The following CFAP61 variants were observed in gnomAD, a reference collection of about 807,000 sequenced individuals.
CFAP61 encodes cilia and flagella associated protein 61.
A neutral mutation model predicts 135.6 loss-of-function variants in CFAP61; 107 were observed. That is an observed-to-expected ratio of 0.79 (90% CI 0.67 to 0.93). The LOEUF is 0.93. CFAP61 is among the 40% of genes least tolerant of loss of function. The probability of loss-of-function intolerance (pLI) is 0.00; values close to 1 mark genes in which losing one functional copy is unlikely to be tolerated. For synonymous variants in CFAP61, 575 were observed against 578.5 expected (o/e 0.99, Z 0.09); for missense variants, 1,507 against 1,556.2 (o/e 0.97, Z 0.53).
At chr20:20,323,783 C>G (rs2057638656) in intron 25 of CFAP61, among the ~76,000 whole-genome samples, 1 of 152,038 alleles carries the variant, frequency 6.6e-6, no homozygotes. Flanking sequence ...GCAAAGAAAC[C>G]AATTGTTAAT....
intron 25 of CFAP61, among the ~76,000 whole-genome samples, chr20:20,330,334 TTTTG>T (rs955255933): frequency 5.9e-5 from 9 of 152,132 alleles, no homozygotes; most frequent in Non-Finnish European, 1.0e-4. Context: ...ACTAGCCGTT[TTTTG>T]TTTGTTTGTT....
At chr20:20,335,702 C>T (rs1013113132) in intron 25 of CFAP61, among the ~76,000 whole-genome samples, 1 of 152,224 alleles carries the variant, frequency 6.6e-6, no homozygotes, top group Non-Finnish European at 1.5e-5. Flanking sequence ...TCTAGACCTT[C>T]TCTACCTGAA....
intron 1 of CFAP61, chr20:20,052,868 G>A (rs1011063392): frequency 5.0e-5 from 37 of 736,178 alleles, no homozygotes; most frequent in Non-Finnish European, 7.5e-5. Context: ...CATTCTAGTA[G>A]TCTCTGGGTC....
At chr20:20,232,511 C>G (rs898804777) in intron 18 of CFAP61, among the ~76,000 whole-genome samples, 1 of 152,036 alleles carries the variant, frequency 6.6e-6, no homozygotes, top group Admixed American at 6.5e-5. Flanking sequence ...CCTGTGAGTT[C>G]GTTAGAAATG....
chr20:20,291,912 C>T (rs906166979), intron 24 of CFAP61, among the ~76,000 whole-genome samples: 1 of 152,184 alleles, frequency 6.6e-6, no homozygotes, highest in African/African-American at 2.4e-5. Context: ...AACTTCCATT[C>T]CCATTTTCTT....
At chr20:20,300,984 A>C (rs2056048359) in intron 25 of CFAP61, among the ~76,000 whole-genome samples, 1 of 152,196 alleles carries the variant, frequency 6.6e-6, no homozygotes, top group Non-Finnish European at 1.5e-5. Context: ...ATAAAGTAAA[A>C]AGAGTAAGCA....
intron 7 of CFAP61, among the ~76,000 whole-genome samples, chr20:20,096,644 T>C (rs571208287): frequency 6.6e-6 from 1 of 152,346 alleles, no homozygotes; most frequent in South Asian, 2.1e-4. Flanking sequence ...CCAAGATGGA[T>C]GCCAATTTTC....
At chr20:20,152,342 G>C (rs757480863) in intron 9 of CFAP61, among the ~76,000 whole-genome samples, 2 of 150,322 alleles carry the variant, frequency 1.3e-5, no homozygotes, top group Non-Finnish European at 3.0e-5. Flanking sequence ...GCAACAACTA[G>C]CATGTTGAAT....
At chr20:20,124,286 G>C (rs914984792) in intron 8 of CFAP61, among the ~76,000 whole-genome samples, 1 of 151,684 alleles carries the variant, frequency 6.6e-6, no homozygotes, top group Non-Finnish European at 1.5e-5. Context: ...TTGAAGAGGA[G>C]TGGTGAGAGT....
chr20:20,138,682 A>G (rs1490418544), intron 8 of CFAP61, among the ~76,000 whole-genome samples: 1 of 152,124 alleles, frequency 6.6e-6, no homozygotes, highest in Non-Finnish European at 1.5e-5. Context: ...CACTCCCCTG[A>G]TTTTTGGTTC....
intron 26 of CFAP61, among the ~76,000 whole-genome samples, chr20:20,352,999 T>C (rs1450527009): frequency 1.3e-5 from 2 of 152,258 alleles, no homozygotes; most frequent in African/African-American, 2.4e-5. Context: ...ACTATATAAC[T>C]CACTAACTCA....
At chr20:20,348,381 C>A (rs1023412756) in intron 26 of CFAP61, among the ~76,000 whole-genome samples, 2 of 152,060 alleles carry the variant, frequency 1.3e-5, no homozygotes, top group Non-Finnish European at 2.9e-5. Context: ...CAATGTAATA[C>A]ACCATTTTAA....
intron 21 of CFAP61, chr20:20,265,936 C>G (rs2052700012): frequency 6.3e-6 from 1 of 159,996 alleles, no homozygotes. Flanking sequence ...TGCAGCATCA[C>G]TGGATCACAG....
intron 26 of CFAP61, among the ~76,000 whole-genome samples, chr20:20,355,907 G>A (rs1346398866): frequency 7.0e-6 from 1 of 142,228 alleles, no homozygotes; most frequent in African/African-American, 2.7e-5. Context: ...GAGGGGAGGT[G>A]GTCACACTGA....
chr20:20,182,345 A>T (rs1476087620), intron 13 of CFAP61, among the ~76,000 whole-genome samples: 1 of 152,222 alleles, frequency 6.6e-6, no homozygotes, highest in East Asian at 1.9e-4. Context: ...TTTGTCTTAA[A>T]GTCATTGTAT....
At chr20:20,255,118 G>A (rs182787679) in intron 20 of CFAP61, among the ~76,000 whole-genome samples, 3 of 152,254 alleles carry the variant, frequency 2.0e-5, no homozygotes, top group Admixed American at 6.5e-5. Context: ...CTCCATTTTC[G>A]AAGATGAAGA....
At chr20:20,095,823 C>T (rs774779757) in intron 7 of CFAP61, 11 of 152,198 alleles carry the variant, frequency 7.2e-5, no homozygotes, top group Admixed American at 2.6e-4. Context: ...GAGGGCAAAA[C>T]CCTCACAGTG....
At chr20:20,219,428 C>A (rs921647346) in intron 17 of CFAP61, among the ~76,000 whole-genome samples, 3 of 152,078 alleles carry the variant, frequency 2.0e-5, no homozygotes, top group Admixed American at 1.3e-4. Context: ...GGAATAAGGG[C>A]AGATTCCAGC....
chr20:20,139,473 A>T (rs2051196672), intron 8 of CFAP61, among the ~76,000 whole-genome samples: 1 of 152,262 alleles, frequency 6.6e-6, no homozygotes, highest in South Asian at 2.1e-4. Flanking sequence ...GGTATAAGCC[A>T]TAAAATAACA....
Sources: allele counts gnomAD v4.1 joint callset (sites outside exome capture counted in the v4.1 genomes callset), GRCh38; gene constraint gnomAD v4.1.1; transcripts MANE v1.5; gene names NCBI Gene and HGNC (gene_info 2026-07-23, HGNC 2026-07-21).